CLTCL1: variants seen among roughly 807,000 people sequenced by gnomAD.
CLTCL1 encodes the protein clathrin heavy chain 2.
Under a neutral mutation model 190.0 loss-of-function variants are expected in CLTCL1, and 159 were observed. The ratio of observed to expected loss-of-function variants is 0.84; its 90% CI spans 0.74 to 0.95. The LOEUF is 0.95. Among genes scored for constraint, CLTCL1 ranks in the 40% least tolerant of loss-of-function variants. The pLI is 0.00. For missense variants in CLTCL1, 1,878 were observed against 2,033.4 expected (o/e 0.92, Z 1.47); for synonymous variants, 752 against 769.6 (o/e 0.98, Z 0.38).
chr22:19,270,966 C>G (rs781944294), intron 2 of CLTCL1, among the ~76,000 whole-genome samples: 5 of 151,380 alleles, frequency 3.3e-5, no homozygotes, highest in African/African-American at 4.9e-5. Context: ...TTATGAGGCA[C>G]AAAATATTCA....
intron 11 of CLTCL1, among the ~76,000 whole-genome samples, chr22:19,228,880 C>A (rs1555957467): frequency 6.6e-6 from 1 of 152,158 alleles, no homozygotes; most frequent in Admixed American, 6.6e-5. Flanking sequence ...CAGTGAGATA[C>A]CACTGCACGC....
chr22:19,199,689 GGCA>G, intron 24 of CLTCL1, 42 bp downstream of exon 24: 2 of 1,448,102 alleles, frequency 1.4e-6, no homozygotes, highest in Non-Finnish European at 1.9e-6. Context: ...GGAGTGTTTA[GGCA>G]TCACTTGTCA....
At chr22:19,245,181 CCCT>C (rs1469987905) in intron 3 of CLTCL1, among the ~76,000 whole-genome samples, 83 of 151,286 alleles carry the variant, frequency 5.5e-4, no homozygotes, top group Non-Finnish European at 9.4e-4. Flanking sequence ...TCCCCTCTCC[CCCT>C]CCTTTTTTTT....
In CLTCL1 at chr22:19,255,995, A is replaced by G. The variant is rs1019510298; in HGVS notation, c.251-1768T>C. On this transcript the variant is annotated intron_variant, in intron 2 of 32. Coordinates refer to ENST00000427926, the MANE Select transcript of CLTCL1 (RefSeq NM_007098.4). ...AACAAAGGGTAAGCAAAGTCTCTAC[A>G]CTATAAAATATTCCTGAAAGAAAGT... 9.9e-5 allele frequency among the ~76,000 whole-genome samples: 15 copies of G among 152,102 alleles called. No individual in the cohort carries two copies. In the East Asian group the frequency reaches 2.5e-3, roughly 25 times the overall value.
rs782246570 is a variant in CLTCL1, at chr22:19,208,252, AG to A, written c.3501del (p.Tyr1168IlefsTer2). On this transcript the variant is annotated frameshift_variant, in exon 22 of 33. Coordinates refer to ENST00000427926, the MANE Select transcript of CLTCL1 (RefSeq NM_007098.4). LOFTEE classifies it high-confidence loss of function. ...GCAAAAATAAGTTCAGTCTCTATAT[AG>A]GACTCACGGCCCTTTTTCCTGGCCA... is the stretch of plus-strand genomic sequence containing the variant. ...LQMARKKGRE[S>X]YIETELIFAL... 6.2e-6 allele frequency: 10 copies of A among 1,613,710 alleles called. No individual in the cohort carries two copies. The African/African-American group carries it at 1.2e-4, about 19-fold the overall frequency.
intron 17 of CLTCL1, among the ~76,000 whole-genome samples, 180 bp from the exon 18 acceptor site, chr22:19,220,187 C>T (rs1467274457): frequency 6.6e-6 from 1 of 152,168 alleles, no homozygotes; most frequent in Non-Finnish European, 1.5e-5. Context: ...ACGATGGACT[C>T]AAACTACCTC....
At chr22:19,251,957 C>T (rs1233826765) in intron 3 of CLTCL1, among the ~76,000 whole-genome samples, 1 of 152,166 alleles carries the variant, frequency 6.6e-6, no homozygotes, top group Non-Finnish European at 1.5e-5. Context: ...AAGCCAAAGT[C>T]TTAGGTCTTG....
At chr22:19,282,375 C>T (rs2087749624) in intron 1 of CLTCL1, among the ~76,000 whole-genome samples, 3 of 149,574 alleles carry the variant, frequency 2.0e-5, no homozygotes, top group South Asian at 2.1e-4. Context: ...CAGTGGGTCA[C>T]GCTTGTAATC....
At position 19,201,345 on chromosome 22, in the gene CLTCL1, G is replaced by A. The variant is rs782076678; in HGVS notation, c.3749C>T (p.Thr1250Ile). Residue 1250 changes from threonine (T) to isoleucine (I), a missense_variant, in exon 23 of 33, where the codon ACC becomes ATC. Transcript: ENST00000427926. ...GCAGCTCACCTCCTTCCACGTCCGG[G>A]TGCTGCTGGCCTTGCGGCTGTTGTC... is the stretch of plus-strand genomic sequence containing the variant. The part of the protein sequence containing the change: ...AVDNSRKASS[T>I]RTWKEVCFAC... The A allele has an allele frequency of 3.1e-6, 5 of 1,612,478 alleles. No homozygotes were observed. The highest frequency in any genetic ancestry group is 4.2e-6 in the Non-Finnish European group (5 of 1,179,482).
intron 1 of CLTCL1, among the ~76,000 whole-genome samples, chr22:19,288,140 G>A (rs375833896): frequency 5.9e-5 from 9 of 152,218 alleles, no homozygotes; most frequent in African/African-American, 2.2e-4. Context: ...ACTTAGTAGC[G>A]GTCAGTTACC....
chr22:19,271,955 A>G (rs2087334839), intron 2 of CLTCL1, among the ~76,000 whole-genome samples: 1 of 152,160 alleles, frequency 6.6e-6, no homozygotes, highest in African/African-American at 2.4e-5. Flanking sequence ...AAAAATGTTT[A>G]AACATTAGCT....
chr22:19,191,596 G>T (rs1332329889), intron 26 of CLTCL1, among the ~76,000 whole-genome samples, 161 bp from the exon 27 acceptor site: 3 of 152,094 alleles, frequency 2.0e-5, no homozygotes, highest in African/African-American at 7.2e-5. Context: ...CATCCCTGAG[G>T]TATTTTGTCC....
chr22:19,246,475 C>A (rs1241455819), intron 3 of CLTCL1, among the ~76,000 whole-genome samples: 6 of 144,298 alleles, frequency 4.2e-5, no homozygotes, highest in Admixed American at 4.1e-4. Context: ...GCCAACACTT[C>A]TTTTCTTTTC....
At chr22:19,233,359 T>C (rs782358113) in intron 8 of CLTCL1, 41 bp from the exon 9 acceptor site, 3 of 1,610,512 alleles carry the variant, frequency 1.9e-6, no homozygotes, top group African/African-American at 2.7e-5. Flanking sequence ...AGGAGGCAGG[T>C]AGGGAGCCTG....
chr22:19,285,394 T>TA (rs1428451291), intron 1 of CLTCL1, among the ~76,000 whole-genome samples: 1 of 152,204 alleles, frequency 6.6e-6, no homozygotes, highest in Non-Finnish European at 1.5e-5. Flanking sequence ...TTCCAGAACT[T>TA]ACATTCCAGG....
chr22:19,245,217 A>G, intron 3 of CLTCL1, among the ~76,000 whole-genome samples: 1 of 126,458 alleles, frequency 7.9e-6, no homozygotes, highest in Admixed American at 9.0e-5. Flanking sequence ...TTTGAGACAG[A>G]GTCTGGCTCT....
chr22:19,235,486 G>C (rs1194739606), intron 6 of CLTCL1, among the ~76,000 whole-genome samples: 1 of 152,214 alleles, frequency 6.6e-6, no homozygotes, highest in Non-Finnish European at 1.5e-5. Flanking sequence ...GCAGGAAGGA[G>C]CTGCTCTCCT....
chr22:19,221,233 C>G, intron 17 of CLTCL1, 144 bp downstream of exon 17: 1 of 664,712 alleles, frequency 1.5e-6, no homozygotes, highest in Middle Eastern at 4.2e-4. Context: ...TTCCCAAAAG[C>G]TGTGAGAATC....
rs1377421713 is a variant in CLTCL1 at position 19,233,217 on chromosome 22, C to A, written c.1470G>T (p.Gln490His). ...LRANVPSKVIQCFAETGQFQK... is the reference protein window; with the variant it reads ...LRANVPSKVIHCFAETGQFQK... ...GGAATTGGCCTGTTTCTGCAAAACA[C>A]TGGATCACTTTGCTTGGCACATTTG... is the stretch of plus-strand genomic sequence containing the variant. Residue 490 changes from glutamine to histidine, a missense_variant, in exon 9 of 33, where the codon CAG becomes CAT. By Grantham distance (24) the Gln-to-His change is conservative (BLOSUM62 0). Coordinates refer to ENST00000427926, the MANE Select transcript of CLTCL1 (RefSeq NM_007098.4). The A allele has an allele frequency of 6.2e-7, 1 of 1,613,892 alleles. No homozygotes were observed. Among genetic ancestry groups the A allele is most frequent in the Non-Finnish European group, 8.5e-7 (1 of 1,179,874 alleles).
Sources: allele counts gnomAD v4.1 joint callset (sites outside exome capture counted in the v4.1 genomes callset), GRCh38; gene constraint gnomAD v4.1.1; transcripts MANE v1.5; gene names NCBI Gene and HGNC (gene_info 2026-07-23, HGNC 2026-07-21).